Variants in CSMD3 observed in about 807,000 individuals in gnomAD.
CSMD3 encodes CUB and Sushi multiple domains 3.
CSMD3 carries 177 observed loss-of-function variants against 435.2 expected under a neutral mutation model. The observed-to-expected ratio is 0.41, with a 90% CI of 0.36 to 0.46. The LOEUF is 0.46. Ranked by LOEUF, CSMD3 falls within the 20% of genes least tolerant of loss-of-function variation. CSMD3 has a pLI of 0.34. For missense variants in CSMD3, 4,265 were observed against 4,504.6 expected, an observed-to-expected ratio of 0.95 and a Z score of 1.52; for synonymous variants, 1,656 against 1,520.5, an observed-to-expected ratio of 1.09 and a Z score of -2.07.
At chr8:112,253,335 T>C (rs1815458563) in intron 63 of CSMD3, among the ~76,000 whole-genome samples, 1 of 151,930 alleles carries the variant, frequency 6.6e-6, no homozygotes, top group South Asian at 2.1e-4. Context: ...TTTTACACTT[T>C]TGTATTATCT....
intron 3 of CSMD3, among the ~76,000 whole-genome samples, chr8:113,266,799 T>C (rs1450521397): frequency 6.6e-6 from 1 of 151,648 alleles, no homozygotes; most frequent in Non-Finnish European, 1.5e-5. Context: ...AGTAAGTACC[T>C]TGTGTTTGAA....
At chr8:112,528,220 A>G (rs1825175702) in intron 27 of CSMD3, among the ~76,000 whole-genome samples, 1 of 152,158 alleles carries the variant, frequency 6.6e-6, no homozygotes, top group Admixed American at 6.5e-5. Context: ...TAAGTACTAA[A>G]AATTTAAAAA....
At chr8:112,850,916 T>A (rs973272230) in intron 11 of CSMD3, among the ~76,000 whole-genome samples, 1 of 152,190 alleles carries the variant, frequency 6.6e-6, no homozygotes, top group African/African-American at 2.4e-5. Context: ...TAGATTTAAA[T>A]AACCTCAGGG....
intron 1 of CSMD3, among the ~76,000 whole-genome samples, chr8:113,347,132 C>A (rs2356476): frequency 4.6e-5 from 7 of 152,114 alleles, no homozygotes; most frequent in South Asian, 4.1e-4. Flanking sequence ...ATAAATAAAT[C>A]TTTGCAAGAA....
At chr8:113,062,197 C>G (rs1379752401) in intron 5 of CSMD3, among the ~76,000 whole-genome samples, 1 of 151,626 alleles carries the variant, frequency 6.6e-6, no homozygotes, top group East Asian at 1.9e-4. Flanking sequence ...GGTTTTTGTA[C>G]AAAAAAAGTT....
At chr8:112,404,766 G>T (rs2129979098) in intron 35 of CSMD3, among the ~76,000 whole-genome samples, 1 of 152,054 alleles carries the variant, frequency 6.6e-6, no homozygotes, top group Admixed American at 6.6e-5. Flanking sequence ...ATATATTTAT[G>T]ATTGTCTATT....
chr8:112,392,875 T>C (rs1830555724), intron 35 of CSMD3, among the ~76,000 whole-genome samples: 1 of 148,078 alleles, frequency 6.8e-6, no homozygotes. Context: ...TTTTTTTTTT[T>C]TTTTTTTTGA....
At chr8:112,831,525 T>C (rs2079872735) in intron 11 of CSMD3, among the ~76,000 whole-genome samples, 1 of 151,368 alleles carries the variant, frequency 6.6e-6, no homozygotes, top group African/African-American at 2.4e-5. Flanking sequence ...ATTGAATGCA[T>C]TTATTCCTAC....
intron 38 of CSMD3, among the ~76,000 whole-genome samples, chr8:112,364,337 A>G (rs1827550245): frequency 6.6e-6 from 1 of 151,690 alleles, no homozygotes; most frequent in Non-Finnish European, 1.5e-5. Flanking sequence ...GGGAAGAGAA[A>G]ATCTATTCAT....
At chr8:113,407,774 A>T (rs576142220) in intron 1 of CSMD3, among the ~76,000 whole-genome samples, 1 of 152,270 alleles carries the variant, frequency 6.6e-6, no homozygotes. Context: ...TGCTCAAAAG[A>T]TGCTTATTAA....
At chr8:112,634,749 CT>C (rs947933281) in intron 22 of CSMD3, among the ~76,000 whole-genome samples, 2 of 150,666 alleles carry the variant, frequency 1.3e-5, no homozygotes, top group Non-Finnish European at 3.0e-5. Flanking sequence ...CATGTAAACA[CT>C]TTTTTTTTCA....
intron 32 of CSMD3, among the ~76,000 whole-genome samples, chr8:112,456,650 G>A (rs1357948476): frequency 6.6e-6 from 1 of 151,992 alleles, no homozygotes; most frequent in Non-Finnish European, 1.5e-5. Flanking sequence ...TTACAAAAAT[G>A]TTATGGTTTA....
chr8:112,622,495 C>A lies in CSMD3; in HGVS notation c.3715+14322G>T, dbSNP rs181689796. ...AACAATGTACAATGTTCTCCAACAT[C>A]TAAGTCCTGTTTGCCTTTTAATTTG... On this transcript the variant is annotated intron_variant, in intron 22 of 70. Transcript: ENST00000297405. 2.0e-5 allele frequency among the ~76,000 whole-genome samples: 3 copies of A among 152,274 alleles called. 1 individual carries two copies.
At chr8:112,686,485 C>T (rs2076014088) in intron 14 of CSMD3, among the ~76,000 whole-genome samples, 1 of 146,088 alleles carries the variant, frequency 6.8e-6, no homozygotes, top group Admixed American at 6.9e-5. Context: ...GTTTTCATTA[C>T]ATTTTTTTTT....
intron 32 of CSMD3, among the ~76,000 whole-genome samples, chr8:112,438,076 C>T (rs529211040): frequency 6.6e-6 from 1 of 152,168 alleles, no homozygotes; most frequent in African/African-American, 2.4e-5. Flanking sequence ...TATGCCCAAG[C>T]AATTACCAGG....
intron 22 of CSMD3, among the ~76,000 whole-genome samples, chr8:112,634,607 C>T (rs574717930): frequency 2.1e-4 from 32 of 151,776 alleles, no homozygotes; most frequent in Admixed American, 1.5e-3. Flanking sequence ...GATTTGGGTA[C>T]GAATAAACCA....
chr8:113,195,187 A>G (rs975928848), intron 3 of CSMD3, among the ~76,000 whole-genome samples: 2 of 150,280 alleles, frequency 1.3e-5, no homozygotes, highest in African/African-American at 2.4e-5. Context: ...CACTACTGAA[A>G]ACGATTTCCC....
chr8:112,455,629 A>AAATAAATC (rs1475059565), intron 32 of CSMD3, among the ~76,000 whole-genome samples: 3 of 109,544 alleles, frequency 2.7e-5, no homozygotes, highest in Non-Finnish European at 4.1e-5. Context: ...ATAAATAAAT[A>AAATAAATC]AATCAAAGCA....
chr8:112,330,672 A>G (rs933343375), intron 45 of CSMD3, among the ~76,000 whole-genome samples: 1 of 151,938 alleles, frequency 6.6e-6, no homozygotes, highest in Non-Finnish European at 1.5e-5. Flanking sequence ...TGAAGCAATA[A>G]GAAGCTTAAA....
Sources: gnomAD v4.1 joint callset for allele counts (sites outside exome capture counted in the v4.1 genomes callset) on GRCh38, gnomAD v4.1.1 for gene constraint, MANE v1.5 for transcripts, NCBI Gene and HGNC (gene_info 2026-07-23, HGNC 2026-07-21) for gene names.